The following TRPM1 variants were observed in gnomAD, a reference collection of about 807,000 sequenced individuals.
The protein encoded by TRPM1 is TRPM1-203 APA Isoform, Intron 10.
In TRPM1, 113 loss-of-function variants were observed where a neutral mutation model predicts 149.4. The ratio of observed to expected loss-of-function variants is 0.76; its 90% CI spans 0.65 to 0.88. The LOEUF (loss-of-function observed/expected upper bound fraction) is 0.88. TRPM1 is among the 40% of genes least tolerant of loss of function. The probability of loss-of-function intolerance (pLI) is 0.00; values close to 1 mark genes in which losing one functional copy is unlikely to be tolerated. For synonymous variants in TRPM1, 741 were observed against 759.5 expected (o/e 0.98, Z 0.40); for missense variants, 1,976 against 2,038.7 (o/e 0.97, Z 0.59).
chr15:31,050,125 A>G (rs2033905674), intron 12 of TRPM1, among the ~76,000 whole-genome samples: 1 of 152,254 alleles, frequency 6.6e-6, no homozygotes, highest in Non-Finnish European at 1.5e-5. Context: ...AAGCATTGGC[A>G]TGTCTGCCAG....
Position 31,031,014 on chromosome 15 carries a change from G to A in TRPM1, c.3096C>T (p.Ile1032=), listed in dbSNP as rs780989363. The change falls in exon 23 of 28, where the codon ATC becomes ATT. Residue 1032 remains isoleucine (I), a synonymous_variant. Transcript: ENST00000256552. Reference sequence around the variant, plus strand: ...TCTGGTCTGCAAACACCTCTCCATAGATCATCCAGTAGGGCATGTAGAAGA... The same window carrying A: ...TCTGGTCTGCAAACACCTCTCCATAAATCATCCAGTAGGGCATGTAGAAGA... The part of the protein sequence containing the change: ...RNIFYMPYWM[I]YGEVFADQID... The A allele has an allele frequency of 6.2e-7, 1 of 1,614,130 alleles. No homozygotes were observed. The highest frequency in any genetic ancestry group is 8.5e-7 in the Non-Finnish European group (1 of 1,180,016).
chr15:31,146,229 G>A (rs1380942738), intron 1 of TRPM1, among the ~76,000 whole-genome samples: 1 of 152,184 alleles, frequency 6.6e-6, no homozygotes, highest in East Asian at 1.9e-4. Context: ...AAAACTCAAA[G>A]AAATGCATTA....
At chr15:31,057,541 A>G (rs1373014787) in intron 11 of TRPM1, among the ~76,000 whole-genome samples, 1 of 152,258 alleles carries the variant, frequency 6.6e-6, no homozygotes, top group African/African-American at 2.4e-5. Flanking sequence ...CTTAAAGTAC[A>G]AAGTATATAT....
chr15:31,088,436 G>C (rs991445352), intron 1 of TRPM1, among the ~76,000 whole-genome samples: 8 of 152,192 alleles, frequency 5.3e-5, no homozygotes, highest in Admixed American at 2.0e-4. Context: ...TTTAAGAGCT[G>C]TAACACTGAC....
At chr15:31,066,981 C>G in intron 6 of TRPM1, 82 bp downstream of exon 6, 1 of 1,582,680 alleles carries the variant, frequency 6.3e-7, no homozygotes, top group Non-Finnish European at 8.7e-7. Flanking sequence ...ATTATTCTTA[C>G]AACTGCATCT....
chr15:31,134,696 G>C (rs375774248), intron 1 of TRPM1, among the ~76,000 whole-genome samples: 10 of 152,296 alleles, frequency 6.6e-5, no homozygotes, highest in African/African-American at 2.4e-4. Flanking sequence ...ACCACTCTTT[G>C]AGATCTACTA....
intron 1 of TRPM1, among the ~76,000 whole-genome samples, chr15:31,151,306 T>C (rs1001448950): frequency 6.6e-6 from 1 of 152,196 alleles, no homozygotes; most frequent in Admixed American, 6.5e-5. Context: ...TCGGAGATTT[T>C]TACTCAAGTC....
chr15:31,125,729 CAAAAAAAAAA>C (rs59878175), intron 1 of TRPM1, among the ~76,000 whole-genome samples: 2 of 52,764 alleles, frequency 3.8e-5, no homozygotes, highest in African/African-American at 1.5e-4. Context: ...GACTCCGTCT[CAAAAAAAAAA>C]AAAAAAAAAA....
intron 1 of TRPM1, among the ~76,000 whole-genome samples, chr15:31,118,579 A>G (rs1370855917): frequency 1.3e-5 from 2 of 152,178 alleles, no homozygotes; most frequent in African/African-American, 4.8e-5. Context: ...GAGTGGCAAC[A>G]GAAATTTATT....
intron 2 of TRPM1, 134 bp from the exon 3 acceptor site, chr15:31,077,118 A>G (rs2034717439): frequency 1.4e-6 from 1 of 690,078 alleles, no homozygotes; most frequent in African/African-American, 1.8e-5. Context: ...GGTGGATGCA[A>G]GTCTTTAAGG....
At chr15:31,095,432 C>G (rs2035350581) in intron 1 of TRPM1, among the ~76,000 whole-genome samples, 1 of 152,112 alleles carries the variant, frequency 6.6e-6, no homozygotes, top group South Asian at 2.1e-4. Context: ...TGTCTGTAAT[C>G]CCAGCACTTT....
At chr15:31,004,306 C>A (rs116346195) in intron 27 of TRPM1, among the ~76,000 whole-genome samples, 2 of 151,410 alleles carry the variant, frequency 1.3e-5, no homozygotes, top group Non-Finnish European at 2.9e-5. Flanking sequence ...TCAGCCACCC[C>A]GCTCTTTTGT....
chr15:31,137,431 G>T (rs1414216222), intron 1 of TRPM1, among the ~76,000 whole-genome samples: 1 of 152,300 alleles, frequency 6.6e-6, no homozygotes, highest in South Asian at 2.1e-4. Flanking sequence ...TCTTACTAAA[G>T]ATAATTCAGA....
intron 3 of TRPM1, among the ~76,000 whole-genome samples, chr15:31,072,018 T>TATATATATAGAGAGAG (rs1400392427): frequency 5.4e-5 from 2 of 36,906 alleles, no homozygotes; most frequent in African/African-American, 2.2e-4. Context: ...TATATATATA[T>TATATATATAGAGAGAG]AGAGAGAGAG....
At chr15:31,029,904 G>A (rs948106949) in intron 23 of TRPM1, among the ~76,000 whole-genome samples, 1 of 151,780 alleles carries the variant, frequency 6.6e-6, no homozygotes, top group Non-Finnish European at 1.5e-5. Flanking sequence ...AAAAAAAAGA[G>A]CTCAACAATA....
intron 1 of TRPM1, among the ~76,000 whole-genome samples, chr15:31,097,772 G>A (rs28453275): frequency 0.24 from 36,902 of 152,042 alleles, 4,682 homozygotes; most frequent in South Asian, 0.32. Flanking sequence ...GAGCTGTCCC[G>A]CATGGTAGAC....
chr15:31,026,621 G>C (rs1456594163), intron 26 of TRPM1, among the ~76,000 whole-genome samples: 1 of 152,038 alleles, frequency 6.6e-6, no homozygotes, highest in Non-Finnish European at 1.5e-5. Flanking sequence ...AAATTAAGAC[G>C]TTTTGAAAGG....
In TRPM1 at chr15:31,004,027, G is replaced by C. The variant is rs368942774; in HGVS notation, c.3630-957C>G. 2.6e-5 allele frequency among the ~76,000 whole-genome samples: 4 copies of C among 152,276 alleles called. No individual in the cohort carries two copies. The South Asian group carries it at 8.3e-4, about 32-fold the overall frequency. On this transcript the variant is annotated intron_variant, in intron 27 of 27. Transcript: ENST00000256552. ...CAAGGTATGCCCAGGATTGAGGATTGCTTTCTAAAAGTTGAATTTGTCCCC... is the reference window on the plus strand; with the variant it reads ...CAAGGTATGCCCAGGATTGAGGATTCCTTTCTAAAAGTTGAATTTGTCCCC...
intron 20 of TRPM1, 150 bp downstream of exon 20, chr15:31,037,561 A>T (rs2033448830): frequency 9.2e-7 from 1 of 1,086,148 alleles, no homozygotes. Context: ...TTAGCCAGAG[A>T]TCTCAATTAG....
Sources: gnomAD v4.1 joint callset for allele counts (sites outside exome capture counted in the v4.1 genomes callset) on GRCh38, gnomAD v4.1.1 for gene constraint, MANE v1.5 for transcripts, NCBI Gene and HGNC (gene_info 2026-07-23, HGNC 2026-07-21) for gene names.